Variants in RSF1 observed in about 807,000 individuals in gnomAD.
RSF1 encodes the protein HBV pX-associated protein 8.
In RSF1, 13 loss-of-function variants were observed where a neutral mutation model predicts 145.2. That is an observed-to-expected ratio of 0.09 (90% CI 0.06 to 0.14). The LOEUF is 0.14. RSF1 is among the 10% of genes least tolerant of loss of function. The pLI is 1.00. For synonymous variants in RSF1, 577 were observed against 592.6 expected, an observed-to-expected ratio of 0.97 and a Z score of 0.38; for missense variants, 1,517 against 1,718.2, an observed-to-expected ratio of 0.88 and a Z score of 2.07.
At chr11:77,692,811 T>C (rs1960189772) in intron 8 of RSF1, among the ~76,000 whole-genome samples, 1 of 151,600 alleles carries the variant, frequency 6.6e-6, no homozygotes, top group Non-Finnish European at 1.5e-5. Context: ...CCGAGTAGCT[T>C]GGACTAAAGG....
At chr11:77,848,427 G>A in the RSF1 span, among the ~76,000 whole-genome samples, 758 of 150,644 alleles carry the variant, frequency 5.0e-3, 10 homozygotes, top group African/African-American at 0.017. Context: ...GCGTGATCTC[G>A]GCACACTGCC....
intron 8 of RSF1, among the ~76,000 whole-genome samples, chr11:77,692,656 C>G (rs12806790): frequency 0.18 from 27,258 of 149,690 alleles, 3,136 homozygotes; most frequent in African/African-American, 0.31. Flanking sequence ...TGGGACTATA[C>G]CTATGTGCCA....
chr11:77,842,621 G>T, the RSF1 span: 1 of 1,613,780 alleles, frequency 6.2e-7, no homozygotes, highest in South Asian at 1.1e-5. Context: ...AGAGAAACAG[G>T]AACTGAGGTA....
At chr11:77,825,774 C>T (rs1277290546), upstream of RSF1, among the ~76,000 whole-genome samples, 1 of 151,852 alleles carries the variant, frequency 6.6e-6, no homozygotes, top group Non-Finnish European at 1.5e-5. Context: ...TCACTGCAAC[C>T]TCTGCCTCCT....
At chr11:77,742,605 T>A (rs1441131610) in intron 3 of RSF1, among the ~76,000 whole-genome samples, 1 of 152,226 alleles carries the variant, frequency 6.6e-6, no homozygotes, top group African/African-American at 2.4e-5. Context: ...TGTACATCTT[T>A]ACCAAACTTG....
chr11:77,700,035 T>A (rs561022528), intron 6 of RSF1, among the ~76,000 whole-genome samples: 7 of 152,150 alleles, frequency 4.6e-5, no homozygotes, highest in African/African-American at 7.2e-5. Context: ...TAAATATTTA[T>A]GAACATCCAC....
intron 15 of RSF1, among the ~76,000 whole-genome samples, chr11:77,671,183 A>G (rs1472802470): frequency 1.3e-4 from 13 of 102,280 alleles, no homozygotes; most frequent in African/African-American, 4.1e-4. Flanking sequence ...ATATATTTAT[A>G]TGTATATATG....
intron 2 of RSF1, among the ~76,000 whole-genome samples, chr11:77,756,897 C>A (rs1948121608): frequency 6.6e-6 from 1 of 152,104 alleles, no homozygotes; most frequent in Non-Finnish European, 1.5e-5. Context: ...ATTTCAGAAT[C>A]CAGAGAGGAA....
chr11:77,756,963 AAAGT>A (rs1402990677), intron 2 of RSF1, among the ~76,000 whole-genome samples: 1 of 152,208 alleles, frequency 6.6e-6, no homozygotes, highest in African/African-American at 2.4e-5. Flanking sequence ...AGTTATCTAC[AAAGT>A]GAGTAACTGA....
upstream of RSF1, among the ~76,000 whole-genome samples, chr11:77,821,498 G>C (rs1326211621): frequency 6.6e-6 from 1 of 152,138 alleles, no homozygotes; most frequent in Non-Finnish European, 1.5e-5. Context: ...AGCAGGATCT[G>C]AGGGAACGGA....
At position 77,660,314 on chromosome 11, in the gene RSF1, C is replaced by T. The variant is rs1327718639; in HGVS notation, c.*6603G>A. ...GGTGTTCATACACTGAAGTTAACCC[C>T]TGAAGCTTTAAGCTACCAAGAATTC... On this transcript the variant is annotated 3_prime_UTR_variant, in exon 16 of 16. Transcript: ENST00000308488. 6.6e-6 allele frequency: 1 copy of T among 152,156 alleles called. No homozygotes were observed. Among genetic ancestry groups the T allele is most frequent in the Non-Finnish European group, 1.5e-5 (1 of 68,016 alleles). 9.4% of individuals were successfully genotyped at this position (152,156 alleles called of 1,614,324 possible).
At chr11:77,856,585 A>C in the RSF1 span, among the ~76,000 whole-genome samples, 1 of 152,182 alleles carries the variant, frequency 6.6e-6, no homozygotes, top group Non-Finnish European at 1.5e-5. Flanking sequence ...TCACGGTTCC[A>C]CAGGCTGTAC....
At chr11:77,718,031 G>A (rs1423996776) in intron 5 of RSF1, 1 of 152,344 alleles carries the variant, frequency 6.6e-6, no homozygotes. Flanking sequence ...TTTTGGCCGG[G>A]CATGGTGGCT....
At chr11:77,780,967 A>G (rs965421269) in intron 1 of RSF1, among the ~76,000 whole-genome samples, 41 of 152,190 alleles carry the variant, frequency 2.7e-4, no homozygotes, top group Non-Finnish European at 4.4e-5. Flanking sequence ...AGTTTCATAT[A>G]ATACGAACTC....
rs144716476 is a variant in RSF1, at chr11:77,780,366, A to G, written c.188-15677T>C. Among the ~76,000 whole-genome samples, 8 of 152,354 alleles carry G rather than the reference A, an allele frequency of 5.3e-5. No homozygotes were observed. In the East Asian group the frequency reaches 1.5e-3, roughly 29 times the overall value. ...CCATTAAGGAAACATGTAAAATAAA[A>G]TATCTGTCTTCAGGATGTGCAATCA... is the stretch of plus-strand genomic sequence containing the variant. On this transcript the variant is annotated intron_variant, in intron 1 of 15. Coordinates refer to ENST00000308488, the MANE Select transcript of RSF1 (RefSeq NM_016578.4).
intron 5 of RSF1, among the ~76,000 whole-genome samples, chr11:77,716,094 T>C (rs1960800712): frequency 6.6e-6 from 1 of 151,854 alleles, no homozygotes; most frequent in Admixed American, 6.6e-5. Flanking sequence ...TTAGGGTGGT[T>C]ATTATCAAAG....
chr11:77,867,018 T>G, the RSF1 span, among the ~76,000 whole-genome samples: 1 of 152,080 alleles, frequency 6.6e-6, no homozygotes, highest in Non-Finnish European at 1.5e-5. Context: ...TTTTTGTATT[T>G]TTAGTAGAGA....
chr11:77,697,408 C>T (rs566279528), intron 7 of RSF1, among the ~76,000 whole-genome samples: 304 of 147,392 alleles, frequency 2.1e-3, no homozygotes, highest in Non-Finnish European at 3.2e-3. Context: ...AGGCTACTTC[C>T]TCAACAGACT....
intron 4 of RSF1, 48 bp from the exon 5 acceptor site, chr11:77,725,747 T>C: frequency 7.0e-7 from 1 of 1,436,944 alleles, no homozygotes; most frequent in Non-Finnish European, 9.3e-7. Context: ...TTTCCTGTTC[T>C]AGAGAACTTT....
Sources: allele counts gnomAD v4.1 joint callset (sites outside exome capture counted in the v4.1 genomes callset), GRCh38; gene constraint gnomAD v4.1.1; transcripts MANE v1.5; gene names NCBI Gene and HGNC (gene_info 2026-07-23, HGNC 2026-07-21).